XKR6: variants seen among roughly 807,000 people sequenced by gnomAD.
XKR6 encodes XK-related protein 6.
In XKR6, 22 loss-of-function variants were observed where a neutral mutation model predicts 56.7. The observed-to-expected ratio is 0.39, with a 90% confidence interval of 0.28 to 0.55. The LOEUF (loss-of-function observed/expected upper bound fraction) is 0.55, where lower values mean the gene tolerates loss of function less well. Among genes scored for constraint, XKR6 ranks in the 20% least tolerant of loss-of-function variants. The probability of loss-of-function intolerance (pLI) is 0.66; values close to 1 mark genes in which losing one functional copy is unlikely to be tolerated. For synonymous variants in XKR6, 524 were observed against 387.8 expected (o/e 1.35, Z -4.13); for missense variants, 852 against 889.0 (o/e 0.96, Z 0.53).
intron 1 of XKR6, chr8:11,195,295 T>G (rs1803813779): frequency 3.2e-6 from 2 of 628,372 alleles, no homozygotes; most frequent in Non-Finnish European, 5.7e-6. Context: ...TTTCATTCTT[T>G]TAGCATTTCT....
chr8:11,177,645 G>A (rs1191102370), intron 1 of XKR6, among the ~76,000 whole-genome samples: 2 of 152,228 alleles, frequency 1.3e-5, no homozygotes, highest in African/African-American at 4.8e-5. Flanking sequence ...CATACACGCA[G>A]AGGGAAAACA....
At chr8:10,984,075 C>A (rs185247424) in intron 1 of XKR6, among the ~76,000 whole-genome samples, 25 of 152,270 alleles carry the variant, frequency 1.6e-4, no homozygotes, top group Middle Eastern at 3.4e-3. Flanking sequence ...AAAACATTAG[C>A]AAACAAAATC....
chr8:10,989,152 T>A lies in XKR6; in HGVS notation c.765-64322A>T, dbSNP rs79681954. Among the ~76,000 whole-genome samples the A allele has an allele frequency of 3.9e-5, 6 of 152,194 alleles. No individual in the cohort carries two copies. In the East Asian group the frequency reaches 9.6e-4, roughly 24 times the overall value. On this transcript the variant is annotated intron_variant, in intron 1 of 2. Transcript: ENST00000416569. ...GCTCTGTGGAGGTTATACAAGGAGC[T>A]GGGTGATGCCTCACAGGGGCAATAT... is the stretch of plus-strand genomic sequence containing the variant.
At chr8:11,139,640 C>A (rs865834726) in intron 1 of XKR6, among the ~76,000 whole-genome samples, 3 of 152,082 alleles carry the variant, frequency 2.0e-5, no homozygotes, top group Middle Eastern at 3.4e-3. Context: ...GGACTGGATT[C>A]AAAAAGGAGC....
chr8:11,039,939 C>T (rs928186898), intron 1 of XKR6, among the ~76,000 whole-genome samples: 4 of 152,324 alleles, frequency 2.6e-5, no homozygotes, highest in East Asian at 1.9e-4. Context: ...AAGCATAACT[C>T]GTTAACTGCT....
rs1020873721 is a variant in XKR6 at position 11,130,956 on chromosome 8, G to C, written c.764+69620C>G. On this transcript the variant is annotated intron_variant, in intron 1 of 2. Transcript: ENST00000416569. The stretch of plus-strand genomic sequence containing the variant: ...TAGTCAAACTACCTAATTCTGAGCA[G>C]AAGACCAAGAAATGATGTCATGACA... Among the ~76,000 whole-genome samples, 6 of 152,202 alleles carry C rather than the reference G, an allele frequency of 3.9e-5. No individual in the cohort carries two copies. In the South Asian group the frequency reaches 1.2e-3, roughly 32 times the overall value.
chr8:11,077,333 T>A (rs1197250359), intron 1 of XKR6, among the ~76,000 whole-genome samples: 1 of 152,140 alleles, frequency 6.6e-6, no homozygotes. Context: ...CCAGAAAGTG[T>A]GGACACTCAT....
chr8:11,200,147 G>C lies in XKR6; in HGVS notation c.764+429C>G, dbSNP rs903123991. Among the ~76,000 whole-genome samples the C allele has an allele frequency of 2.6e-5, 4 of 152,228 alleles. No individual in the cohort carries two copies. The highest frequency in any genetic ancestry group is 4.1e-4 in the South Asian group (2 of 4,834). On this transcript the variant is annotated intron_variant, in intron 1 of 2. Coordinates refer to ENST00000416569, the MANE Select transcript of XKR6 (RefSeq NM_173683.4). This position sits in a 1 kb window ranked among gnomAD's most constrained non-coding sequence, Gnocchi z 6.4. Reference sequence around the variant, plus strand: ...ACTGCAGAGGGAGAACGGGGGAAGAGGGGAGGATGTCTCACCTGGGAACAA... The same window carrying C: ...ACTGCAGAGGGAGAACGGGGGAAGACGGGAGGATGTCTCACCTGGGAACAA...
At chr8:10,941,539 G>A (rs999530232) in intron 1 of XKR6, among the ~76,000 whole-genome samples, 10 of 152,308 alleles carry the variant, frequency 6.6e-5, no homozygotes, top group African/African-American at 1.9e-4. Context: ...CTTCAGCCCC[G>A]CAGGCAGTCT....
At chr8:11,134,853 C>G (rs926329749) in intron 1 of XKR6, among the ~76,000 whole-genome samples, 1 of 151,988 alleles carries the variant, frequency 6.6e-6, no homozygotes, top group African/African-American at 2.4e-5. Context: ...ACTAATTAAA[C>G]TACAGTACAA....
chr8:11,044,411 A>G (rs548612972), intron 1 of XKR6, among the ~76,000 whole-genome samples: 2 of 152,286 alleles, frequency 1.3e-5, no homozygotes, highest in South Asian at 2.1e-4. Context: ...GTTTTCAACC[A>G]GTGGTTGCAC....
chr8:11,084,300 C>G (rs1797814875), intron 1 of XKR6, among the ~76,000 whole-genome samples: 1 of 152,238 alleles, frequency 6.6e-6, no homozygotes, highest in Non-Finnish European at 1.5e-5. Context: ...CCCGGTAATT[C>G]TGAGCAATTT....
intron 1 of XKR6, among the ~76,000 whole-genome samples, chr8:11,185,531 T>A (rs955432975): frequency 2.0e-5 from 3 of 152,234 alleles, no homozygotes; most frequent in East Asian, 1.9e-4. Flanking sequence ...TCACATTTTT[T>A]AAATATCTAT....
At chr8:11,199,973 A>C (rs76899345) in intron 1 of XKR6, among the ~76,000 whole-genome samples, 1 of 140,476 alleles carries the variant, frequency 7.1e-6, no homozygotes, top group Non-Finnish European at 1.5e-5. Context: ...CCAGCAAACC[A>C]AAAAAAAAAA....
At chr8:10,953,738 C>CA (rs1393561794) in intron 1 of XKR6, among the ~76,000 whole-genome samples, 1 of 152,200 alleles carries the variant, frequency 6.6e-6, no homozygotes, top group Non-Finnish European at 1.5e-5. Context: ...CAGAGTTGTG[C>CA]AACCATCGCC....
At position 11,024,572 on chromosome 8, in the gene XKR6, G is replaced by A. The variant is rs192393338; in HGVS notation, c.765-99742C>T. 4.5e-4 allele frequency among the ~76,000 whole-genome samples: 68 copies of A among 152,224 alleles called. 2 individuals are homozygous for A. The highest frequency in any genetic ancestry group is 3.9e-3 in the Admixed American group (59 of 15,286). On this transcript the variant is annotated intron_variant, in intron 1 of 2. Transcript: ENST00000416569. The stretch of plus-strand genomic sequence containing the variant: ...CTACCAAGTGTCTGACTATCCTCAG[G>A]GCTTGGCCTCTCCCAGACTTCATCT...
chr8:11,181,127 G>T (rs1281014990), intron 1 of XKR6, among the ~76,000 whole-genome samples: 1 of 152,136 alleles, frequency 6.6e-6, no homozygotes, highest in African/African-American at 2.4e-5. Flanking sequence ...AATGTTGCTT[G>T]GAAAGGATGA....
chr8:11,000,853 C>T (rs1025207446), intron 1 of XKR6, among the ~76,000 whole-genome samples: 3 of 152,024 alleles, frequency 2.0e-5, no homozygotes, highest in African/African-American at 7.2e-5. Flanking sequence ...AAGGAAATTC[C>T]CAGATGAGAT....
At chr8:11,177,352 C>G (rs943253875) in intron 1 of XKR6, among the ~76,000 whole-genome samples, 1 of 152,150 alleles carries the variant, frequency 6.6e-6, no homozygotes. Context: ...TTCAAGGAAG[C>G]AAACTGCCTT....
Sources: gnomAD v4.1 joint callset for allele counts (sites outside exome capture counted in the v4.1 genomes callset) on GRCh38, gnomAD v4.1.1 for gene constraint, Gnocchi (gnomAD v3.1) non-coding constraint, MANE v1.5 for transcripts, NCBI Gene and HGNC (gene_info 2026-07-23, HGNC 2026-07-21) for gene names.